ABCA1: variants seen among roughly 807,000 people sequenced by gnomAD.
The protein encoded by ABCA1 is phospholipid-transporting ATPase ABCA1.
A neutral mutation model predicts 262.5 loss-of-function variants in ABCA1; 133 were observed. That is an observed-to-expected ratio of 0.51 (90% CI 0.44 to 0.59). The LOEUF (loss-of-function observed/expected upper bound fraction) is 0.59. Among genes scored for constraint, ABCA1 ranks in the 20% least tolerant of loss-of-function variants. The pLI is 0.00. For synonymous variants in ABCA1, 1,022 were observed against 1,043.5 expected, an observed-to-expected ratio of 0.98 and a Z score of 0.40; for missense variants, 2,452 against 2,777.5, an observed-to-expected ratio of 0.88 and a Z score of 2.63.
intron 7 of ABCA1, chr9:104,855,206 T>G: frequency 4.1e-6 from 4 of 979,268 alleles, no homozygotes; most frequent in Non-Finnish European, 4.9e-6. Context: ...ATCTTTTTTT[T>G]CTTTTTCTGA....
intron 8 of ABCA1, among the ~76,000 whole-genome samples, chr9:104,844,418 G>A (rs2119048510): frequency 6.6e-6 from 1 of 152,092 alleles, no homozygotes; most frequent in Admixed American, 6.6e-5. Context: ...AAACACGTGA[G>A]CAGAATTCAA....
chr9:104,800,003 AC>A lies in ABCA1; in HGVS notation c.4774-16del. On this transcript the variant is annotated splice_polypyrimidine_tract_variant and intron_variant, in intron 35 of 49. Transcript: ENST00000374736. ...TTGAACCACACCTGAAAGAAAACAT[AC>A]CAGGTACAAGGTAATGCCCCCAAAC... 1.2e-6 allele frequency: 2 copies of A among 1,614,028 alleles called. No individual in the cohort carries two copies. Among genetic ancestry groups the A allele is most frequent in the Non-Finnish European group, 1.7e-6 (2 of 1,180,018 alleles).
At chr9:104,823,174 G>A (rs1832521764) in intron 18 of ABCA1, among the ~76,000 whole-genome samples, 1 of 152,222 alleles carries the variant, frequency 6.6e-6, no homozygotes, top group African/African-American at 2.4e-5. Flanking sequence ...GTGGTTGACA[G>A]GTGTCAGGAA....
chr9:104,902,035 C>A (rs1198627311), intron 2 of ABCA1, among the ~76,000 whole-genome samples: 1 of 152,138 alleles, frequency 6.6e-6, no homozygotes, highest in Non-Finnish European at 1.5e-5. Context: ...CCTGTTCTCT[C>A]ACTAGAGACC....
intron 30 of ABCA1, among the ~76,000 whole-genome samples, chr9:104,806,763 A>G (rs1420000757): frequency 6.6e-6 from 1 of 152,196 alleles, no homozygotes; most frequent in Non-Finnish European, 1.5e-5. Context: ...TACGTGCCAG[A>G]TGCTGTCCAG....
Position 104,858,698 on chromosome 9 carries a change from C to G in ABCA1, c.544G>C (p.Val182Leu). The G allele has an allele frequency of 6.2e-7, 1 of 1,614,048 alleles. No homozygotes were observed. Among genetic ancestry groups the G allele is most frequent in the South Asian group, 1.1e-5 (1 of 91,078 alleles). ...MLRADVILHKVFLQGYQLHLT... is the reference protein window; with the variant it reads ...MLRADVILHKLFLQGYQLHLT... The stretch of plus-strand genomic sequence containing the variant: ...TGTAACTGGTAGCCTTGCAAAAATA[C>G]CTGGAAGCATTTCATGCAAAGAGAG... The change falls in exon 7 of 50, where the codon GTA becomes CTA. Residue 182 changes from valine (V) to leucine (L), a missense_variant and splice_region_variant. Val to Leu is a conservative substitution (Grantham distance 32). This residue lies in a region of ABCA1 where 1,032 missense variants were observed against 1,089.7 expected (regional missense o/e 0.95). Transcript: ENST00000374736.
intron 32 of ABCA1, among the ~76,000 whole-genome samples, chr9:104,803,986 T>C (rs879656636): frequency 4.6e-5 from 7 of 152,214 alleles, no homozygotes; most frequent in Non-Finnish European, 8.8e-5. Flanking sequence ...TAGAAACTCA[T>C]GGTCACTATC....
At chr9:104,816,371 G>A (rs1831760386) in intron 24 of ABCA1, 26 bp from the exon 25 acceptor site, 1 of 1,609,240 alleles carries the variant, frequency 6.2e-7, no homozygotes, top group Non-Finnish European at 8.5e-7. Flanking sequence ...TGCAAAGATG[G>A]CTCAATCAAC....
chr9:104,905,874 G>A (rs1841090606), intron 1 of ABCA1, among the ~76,000 whole-genome samples: 2 of 152,144 alleles, frequency 1.3e-5, no homozygotes, highest in African/African-American at 2.4e-5. Context: ...ATCAGAAAGA[G>A]CCCAGGCATG....
chr9:104,805,932 C>G (rs780011369), intron 31 of ABCA1, among the ~76,000 whole-genome samples: 1 of 152,142 alleles, frequency 6.6e-6, no homozygotes, highest in Non-Finnish European at 1.5e-5. Flanking sequence ...CGGCGAAACC[C>G]TATCTCTACT....
intron 18 of ABCA1, among the ~76,000 whole-genome samples, chr9:104,823,325 C>A (rs1832538541): frequency 2.0e-5 from 3 of 151,954 alleles, no homozygotes; most frequent in Admixed American, 2.0e-4. Context: ...TAAATACGCA[C>A]ACACACACAC....
In ABCA1 at chr9:104,792,859, A is replaced by ACATCTT; in HGVS notation, c.5678_5683dup (p.Glu1893_Asp1894dup). 1 of 1,614,110 alleles carries ACATCTT rather than the reference A, an allele frequency of 6.2e-7. No individual in the cohort carries two copies. Among genetic ancestry groups the ACATCTT allele is most frequent in the Non-Finnish European group, 8.5e-7 (1 of 1,180,004 alleles). On this transcript the variant is annotated inframe_insertion, in exon 42 of 50. Transcript: ENST00000374736. ...AAGAATTCTCTGTCTTTCCCGCCTC[A>ACATCTT]CATCTTCATCTTCATCATTCAGAGG...
chr9:104,903,956 C>T (rs886495173), intron 1 of ABCA1, among the ~76,000 whole-genome samples, 185 bp from the exon 2 acceptor site: 2 of 152,190 alleles, frequency 1.3e-5, no homozygotes, highest in African/African-American at 2.4e-5. Context: ...AAGAGGGACT[C>T]GGGAGGTGTT....
intron 9 of ABCA1, among the ~76,000 whole-genome samples, chr9:104,839,559 TTC>T (rs1453530904): frequency 1.3e-5 from 2 of 152,236 alleles, no homozygotes; most frequent in African/African-American, 2.4e-5. Context: ...TTACTGTTAT[TTC>T]TTTTTATGTT....
chr9:104,925,752 T>C (rs1826271566), intron 1 of ABCA1, among the ~76,000 whole-genome samples: 1 of 152,204 alleles, frequency 6.6e-6, no homozygotes, highest in Admixed American at 6.5e-5. Context: ...AACTTTGTAT[T>C]TGAAAAATAT....
intron 1 of ABCA1, among the ~76,000 whole-genome samples, chr9:104,916,139 A>G (rs186636626): frequency 3.5e-4 from 53 of 152,344 alleles, no homozygotes; most frequent in Admixed American, 2.9e-3. Context: ...ATACTTGACC[A>G]AAGGCTTTCT....
intron 48 of ABCA1, 83 bp from the exon 49 acceptor site, chr9:104,785,722 G>A: frequency 6.3e-7 from 1 of 1,584,160 alleles, no homozygotes. Flanking sequence ...CCCAACTTGT[G>A]CCATGAAAAA....
intron 1 of ABCA1, among the ~76,000 whole-genome samples, chr9:104,904,296 G>T (rs947690203): frequency 6.6e-6 from 1 of 152,064 alleles, no homozygotes; most frequent in Admixed American, 6.6e-5. Flanking sequence ...TCGGCCAGGC[G>T]TGGTGGCTCA....
At chr9:104,860,048 C>T (rs896697505) in intron 6 of ABCA1, among the ~76,000 whole-genome samples, 4 of 118,098 alleles carry the variant, frequency 3.4e-5, no homozygotes, top group African/African-American at 1.6e-4. Context: ...AGCGAGACTC[C>T]AACTCAAAAA....
Sources: gnomAD v4.1 joint callset for allele counts (sites outside exome capture counted in the v4.1 genomes callset) on GRCh38, gnomAD v4.1.1 for gene constraint, gnomAD v4.1.1 regional missense constraint, MANE v1.5 for transcripts, NCBI Gene and HGNC (gene_info 2026-07-23, HGNC 2026-07-21) for gene names.